PTPRD: variants seen among roughly 807,000 people sequenced by gnomAD.
PTPRD encodes the protein receptor-type tyrosine-protein phosphatase delta.
PTPRD carries 34 observed loss-of-function variants against 214.5 expected under a neutral mutation model. The observed-to-expected ratio is 0.16, with a 90% CI of 0.12 to 0.21. PTPRD has a LOEUF of 0.21. Among genes scored for constraint, PTPRD ranks in the 10% least tolerant of loss-of-function variants. The pLI is 1.00. For missense variants in PTPRD, 2,545 were observed against 2,398.7 expected, an observed-to-expected ratio of 1.06 and a Z score of -1.27; for synonymous variants, 1,128 against 845.7, an observed-to-expected ratio of 1.33 and a Z score of -5.79.
At chr9:8,701,134 C>A (rs1285057361) in intron 12 of PTPRD, among the ~76,000 whole-genome samples, 3 of 151,716 alleles carry the variant, frequency 2.0e-5, no homozygotes, top group African/African-American at 7.3e-5. Context: ...GTACTCCAGC[C>A]TGGACGACAA....
chr9:10,500,917 G>A (rs1243882123), intron 2 of PTPRD, among the ~76,000 whole-genome samples: 1 of 151,696 alleles, frequency 6.6e-6, no homozygotes, highest in African/African-American at 2.4e-5. Context: ...TATATACCAC[G>A]TTTTCTTTAT....
chr9:10,140,646 G>A (rs9644843), intron 3 of PTPRD, among the ~76,000 whole-genome samples: 4 of 151,798 alleles, frequency 2.6e-5, no homozygotes, highest in African/African-American at 9.7e-5. Flanking sequence ...CAGATGGATT[G>A]ACAGCCGAAT....
At chr9:8,524,832 G>C (rs2097979515) in intron 18 of PTPRD, 93 bp downstream of exon 18, 1 of 1,025,736 alleles carries the variant, frequency 9.7e-7, no homozygotes, top group Non-Finnish European at 1.5e-6. Context: ...AAACCAGCTT[G>C]TTAACTACTA....
chr9:9,556,270 C>T (rs1212312375), intron 8 of PTPRD, among the ~76,000 whole-genome samples: 1 of 152,062 alleles, frequency 6.6e-6, no homozygotes, highest in Non-Finnish European at 1.5e-5. Context: ...AGGTCTTCAT[C>T]CTCATTGTCT....
intron 8 of PTPRD, among the ~76,000 whole-genome samples, chr9:9,500,693 A>T (rs1261559837): frequency 6.6e-6 from 1 of 152,126 alleles, no homozygotes. Flanking sequence ...CATAAGAAGA[A>T]ATAAAGAAGA....
intron 5 of PTPRD, among the ~76,000 whole-genome samples, chr9:9,930,771 A>G (rs12346913): frequency 0.038 from 5,828 of 152,160 alleles, 137 homozygotes; most frequent in Non-Finnish European, 0.056. Flanking sequence ...GCAGAACAAT[A>G]TAAGTGAGCA....
intron 10 of PTPRD, among the ~76,000 whole-genome samples, chr9:9,160,945 G>T (rs1016169777): frequency 2.6e-5 from 4 of 152,118 alleles, no homozygotes; most frequent in Admixed American, 6.6e-5. Context: ...AATACCACAT[G>T]ATCTCACTTA....
At chr9:9,587,752 C>G (rs957053239) in intron 7 of PTPRD, among the ~76,000 whole-genome samples, 5 of 151,810 alleles carry the variant, frequency 3.3e-5, no homozygotes, top group African/African-American at 1.2e-4. Flanking sequence ...ATAATCTAGT[C>G]ACAGAAAGAC....
At chr9:9,679,757 C>A (rs991983509) in intron 7 of PTPRD, among the ~76,000 whole-genome samples, 9 of 151,798 alleles carry the variant, frequency 5.9e-5, no homozygotes, top group African/African-American at 1.9e-4. Context: ...TCATGAAGGC[C>A]TGATTTGCCA....
rs151200558 is a variant in PTPRD at position 9,856,184 on chromosome 9, T to A, written c.-368+82323A>T. Among the ~76,000 whole-genome samples the A allele has an allele frequency of 1.6e-3, 242 of 152,138 alleles. 1 individual carries two copies. Among genetic ancestry groups the A allele is most frequent in the African/African-American group, 5.3e-3 (220 of 41,496 alleles). ...GCACCGTCAAGCTGTCCCTCTGAAG[T>A]CAAGCCGCTTCTGACATCCAGCTGT... On this transcript the variant is annotated intron_variant, in intron 5 of 45. Transcript: ENST00000381196.
chr9:9,182,171 G>A (rs766240233), intron 10 of PTPRD, among the ~76,000 whole-genome samples: 9 of 151,960 alleles, frequency 5.9e-5, no homozygotes, highest in South Asian at 2.1e-4. Context: ...TACAATCTTC[G>A]TTATCTCTTA....
At chr9:10,439,235 G>T (rs1354164934) in intron 2 of PTPRD, among the ~76,000 whole-genome samples, 1 of 151,702 alleles carries the variant, frequency 6.6e-6, no homozygotes, top group African/African-American at 2.4e-5. Context: ...GCGTTTGAGA[G>T]TACTTCCCCT....
intron 2 of PTPRD, among the ~76,000 whole-genome samples, chr9:10,477,730 C>T (rs376998476): frequency 8.0e-4 from 122 of 152,160 alleles, no homozygotes; most frequent in African/African-American, 2.9e-3. Context: ...GGAACCAACC[C>T]AAATGCCCAT....
At chr9:9,424,444 G>A (rs541986099) in intron 8 of PTPRD, among the ~76,000 whole-genome samples, 3 of 152,304 alleles carry the variant, frequency 2.0e-5, no homozygotes, top group East Asian at 3.9e-4. Flanking sequence ...ACGGCATTGT[G>A]TAGAAATTCC....
At chr9:8,332,840 C>G (rs183038807) in intron 43 of PTPRD, among the ~76,000 whole-genome samples, 1 of 152,132 alleles carries the variant, frequency 6.6e-6, no homozygotes, top group East Asian at 1.9e-4. Flanking sequence ...GGTCCTACTC[C>G]TAAATGGTCT....
At chr9:10,114,617 T>C (rs954817098) in intron 3 of PTPRD, among the ~76,000 whole-genome samples, 2 of 152,116 alleles carry the variant, frequency 1.3e-5, no homozygotes, top group African/African-American at 4.8e-5. Flanking sequence ...TATTTGTGCA[T>C]ATATGTATGT....
chr9:10,027,713 T>TA (rs2096955384), intron 4 of PTPRD, among the ~76,000 whole-genome samples: 1 of 152,122 alleles, frequency 6.6e-6, no homozygotes, highest in Non-Finnish European at 1.5e-5. Context: ...AATATTTATA[T>TA]AAAAATATAT....
chr9:10,458,978 C>T (rs533668993), intron 2 of PTPRD, among the ~76,000 whole-genome samples: 1 of 152,160 alleles, frequency 6.6e-6, no homozygotes, highest in Admixed American at 6.5e-5. Flanking sequence ...TACACACGTT[C>T]CGTGGTGGTT....
intron 11 of PTPRD, among the ~76,000 whole-genome samples, chr9:8,766,769 A>G (rs1454045925): frequency 6.6e-6 from 1 of 152,196 alleles, no homozygotes; most frequent in African/African-American, 2.4e-5. Flanking sequence ...ATCTTTCTTA[A>G]ATGTATATAA....
Sources: gnomAD v4.1 joint callset for allele counts (sites outside exome capture counted in the v4.1 genomes callset) on GRCh38, gnomAD v4.1.1 for gene constraint, MANE v1.5 for transcripts, NCBI Gene and HGNC (gene_info 2026-07-23, HGNC 2026-07-21) for gene names.